Variants in ATP8A1 observed in about 807,000 individuals in gnomAD.
ATP8A1 encodes the protein phospholipid-transporting ATPase IA.
In ATP8A1, 90 loss-of-function variants were observed where a neutral mutation model predicts 177.7. The ratio of observed to expected loss-of-function variants is 0.51; its 90% confidence interval spans 0.43 to 0.60. The LOEUF is 0.60. Ranked by LOEUF, ATP8A1 falls within the 20% of genes least tolerant of loss-of-function variation. ATP8A1 has a pLI of 0.00. For synonymous variants in ATP8A1, 493 were observed against 485.9 expected, an observed-to-expected ratio of 1.01 and a Z score of -0.19; for missense variants, 1,072 against 1,392.8, an observed-to-expected ratio of 0.77 and a Z score of 3.67.
intron 20 of ATP8A1, among the ~76,000 whole-genome samples, chr4:42,534,553 A>T (rs1727586040): frequency 6.6e-6 from 1 of 152,232 alleles, no homozygotes; most frequent in Non-Finnish European, 1.5e-5. Flanking sequence ...GGTGTTCCTA[A>T]GGAAGAGAAA....
chr4:42,458,758 C>T (rs954384829), intron 27 of ATP8A1, among the ~76,000 whole-genome samples: 1 of 152,220 alleles, frequency 6.6e-6, no homozygotes, highest in East Asian at 1.9e-4. Flanking sequence ...TTCAGACCTG[C>T]TTCTCCTGGC....
chr4:42,606,393 G>A (rs751994973), intron 5 of ATP8A1, among the ~76,000 whole-genome samples: 1 of 152,266 alleles, frequency 6.6e-6, no homozygotes, highest in Non-Finnish European at 1.5e-5. Flanking sequence ...GGAAAGCCCA[G>A]GCAAAAGTTT....
intron 29 of ATP8A1, among the ~76,000 whole-genome samples, chr4:42,452,377 G>A (rs1388184010): frequency 6.6e-6 from 1 of 152,036 alleles, no homozygotes; most frequent in Non-Finnish European, 1.5e-5. Context: ...TTCCTTAAGT[G>A]GGACTATTTT....
intron 35 of ATP8A1, 118 bp from the exon 36 acceptor site, chr4:42,414,836 G>A: frequency 2.7e-6 from 2 of 741,596 alleles, no homozygotes; most frequent in South Asian, 3.1e-5. Context: ...GAAATCCGTA[G>A]CCTAGTGATT....
chr4:42,634,101 C>A (rs898308892), intron 1 of ATP8A1, among the ~76,000 whole-genome samples: 3 of 152,126 alleles, frequency 2.0e-5, no homozygotes, highest in Non-Finnish European at 4.4e-5. Context: ...ATTTCGAGGA[C>A]ACTGTGATAA....
chr4:42,569,049 T>G (rs1731639134), intron 15 of ATP8A1, 112 bp downstream of exon 15: 1 of 441,034 alleles, frequency 2.3e-6, no homozygotes, highest in Admixed American at 4.9e-5. Context: ...CTCAGCAATA[T>G]TTTATTTATA....
chr4:42,653,102 C>G (rs190066810), intron 1 of ATP8A1, among the ~76,000 whole-genome samples: 14 of 152,052 alleles, frequency 9.2e-5, no homozygotes, highest in African/African-American at 3.1e-4. Flanking sequence ...TTCCCCTCAC[C>G]GTTCCTAATT....
At chr4:42,560,888 T>C (rs1339758723) in intron 15 of ATP8A1, among the ~76,000 whole-genome samples, 2 of 152,112 alleles carry the variant, frequency 1.3e-5, no homozygotes, top group African/African-American at 4.8e-5. Context: ...ACAATTACTT[T>C]TGCACCAACC....
chr4:42,623,886 A>G (rs894064853), intron 4 of ATP8A1, among the ~76,000 whole-genome samples: 1 of 152,122 alleles, frequency 6.6e-6, no homozygotes, highest in African/African-American at 2.4e-5. Context: ...CTATATATAT[A>G]TGAAGTAGTT....
intron 1 of ATP8A1, among the ~76,000 whole-genome samples, chr4:42,628,757 C>A (rs1173487231): frequency 1.3e-5 from 2 of 152,102 alleles, no homozygotes; most frequent in Non-Finnish European, 2.9e-5. Context: ...TTTATTAGGT[C>A]TTCCTTCGTG....
chr4:42,446,428 A>G (rs1717261152), intron 31 of ATP8A1, among the ~76,000 whole-genome samples, 155 bp downstream of exon 31: 1 of 152,170 alleles, frequency 6.6e-6, no homozygotes, highest in Non-Finnish European at 1.5e-5. Context: ...ATAAGACCCC[A>G]TTATAAGCCC....
At chr4:42,435,438 A>AAC (rs1560320295) in intron 33 of ATP8A1, among the ~76,000 whole-genome samples, 1 of 97,890 alleles carries the variant, frequency 1.0e-5, no homozygotes, top group Non-Finnish European at 2.1e-5. Flanking sequence ...AAAAAAAAAA[A>AAC]AAAAAAAAAA....
intron 16 of ATP8A1, among the ~76,000 whole-genome samples, chr4:42,554,045 G>C (rs1198049038): frequency 6.6e-6 from 1 of 152,206 alleles, no homozygotes; most frequent in Non-Finnish European, 1.5e-5. Context: ...GCTTAGGCAG[G>C]GGCCAGATCA....
intron 1 of ATP8A1, among the ~76,000 whole-genome samples, chr4:42,639,393 T>C (rs1285655304): frequency 6.6e-6 from 1 of 152,202 alleles, no homozygotes; most frequent in Admixed American, 6.5e-5. Context: ...ATGAGCCTGC[T>C]GCCTAGAATA....
At chr4:42,550,861 C>A (rs1325166919) in intron 18 of ATP8A1, among the ~76,000 whole-genome samples, 1 of 151,932 alleles carries the variant, frequency 6.6e-6, no homozygotes, top group African/African-American at 2.4e-5. Context: ...AAAACTTGGG[C>A]CTGAGTATTT....
At chr4:42,429,381 G>GTTTTTTTTTTTTTTTTTTTT (rs140094527) in intron 33 of ATP8A1, among the ~76,000 whole-genome samples, 1 of 150,148 alleles carries the variant, frequency 6.7e-6, no homozygotes. Context: ...AAATAAAAGT[G>GTTTTTTTTTTTTTTTTTTTT]TTTTGTTTTT....
intron 1 of ATP8A1, 132 bp downstream of exon 1, chr4:42,656,693 G>C (rs1741663952): frequency 1.8e-6 from 2 of 1,116,466 alleles, no homozygotes; most frequent in Non-Finnish European, 1.2e-6. Flanking sequence ...GGTCCCCTAG[G>C]GGCCGGGCGC....
intron 24 of ATP8A1, among the ~76,000 whole-genome samples, chr4:42,497,020 GA>G (rs1021445453): frequency 1.3e-5 from 2 of 152,306 alleles, no homozygotes; most frequent in African/African-American, 4.8e-5. Context: ...GGGAAAGGGG[GA>G]TAAGTGTTGG....
Position 42,485,595 on chromosome 4 carries a change from A to AG in ATP8A1, c.2224dup (p.Leu742ProfsTer4), listed in dbSNP as rs781101673. Reference sequence around the variant, plus strand: ...TTTGAGGGTTTTCCCATCAATTATAAGAGCAAAATCATTCTCTTTCCGGAG... The same window carrying AG: ...TTTGAGGGTTTTCCCATCAATTATAAGGAGCAAAATCATTCTCTTTCCGGAG... On this transcript the variant is annotated frameshift_variant, in exon 25 of 37. Transcript: ENST00000381668. LOFTEE classifies it high-confidence loss of function. 3 of 1,613,814 alleles carry AG rather than the reference A, an allele frequency of 1.9e-6. No homozygotes were observed. Among genetic ancestry groups the AG allele is most frequent in the African/African-American group, 1.3e-5 (1 of 75,040 alleles).
Sources: allele counts gnomAD v4.1 joint callset (sites outside exome capture counted in the v4.1 genomes callset), GRCh38; gene constraint gnomAD v4.1.1; transcripts MANE v1.5; gene names NCBI Gene and HGNC (gene_info 2026-07-23, HGNC 2026-07-21).